KPNA1: variants seen among roughly 807,000 people sequenced by gnomAD.
The protein encoded by KPNA1 is importin subunit alpha-5.
In KPNA1, 10 loss-of-function variants were observed where a neutral mutation model predicts 70.5. The ratio of observed to expected loss-of-function variants is 0.14; its 90% CI spans 0.09 to 0.24. KPNA1 has a LOEUF of 0.24. KPNA1 is among the 10% of genes least tolerant of loss of function. The pLI is 1.00. For missense variants in KPNA1, 397 were observed against 637.9 expected (o/e 0.62, Z 4.07); for synonymous variants, 192 against 221.9 (o/e 0.87, Z 1.20).
At chr3:122,448,797 C>T (rs1172995112) in intron 9 of KPNA1, among the ~76,000 whole-genome samples, 3 of 151,240 alleles carry the variant, frequency 2.0e-5, no homozygotes, top group Non-Finnish European at 4.4e-5. Context: ...AGTCTAGTGA[C>T]TAAAGAATAC....
At chr3:122,506,645 T>C (rs1222708243) in intron 1 of KPNA1, among the ~76,000 whole-genome samples, 1 of 152,210 alleles carries the variant, frequency 6.6e-6, no homozygotes, top group Non-Finnish European at 1.5e-5. Flanking sequence ...ATATGATTCA[T>C]AGGTGTTCAT....
intron 12 of KPNA1, 27 bp from the exon 13 acceptor site, chr3:122,427,743 AC>A (rs1188354576): frequency 6.9e-7 from 1 of 1,456,540 alleles, no homozygotes; most frequent in Admixed American, 2.2e-5. Flanking sequence ...ATGTAGTCAA[AC>A]AAAACTTTTA....
chr3:122,506,506 C>A (rs764296367), intron 1 of KPNA1, among the ~76,000 whole-genome samples: 153 of 151,894 alleles, frequency 1.0e-3, no homozygotes, highest in Non-Finnish European at 2.0e-3. Context: ...AATATCCTAC[C>A]CATTCTTTTC....
At chr3:122,508,541 T>C (rs888623772) in intron 1 of KPNA1, among the ~76,000 whole-genome samples, 2 of 152,206 alleles carry the variant, frequency 1.3e-5, no homozygotes, top group African/African-American at 2.4e-5. Context: ...AGGTGCCTTA[T>C]TGATAACAGA....
intron 5 of KPNA1, chr3:122,460,273 GA>G (rs1005782747): frequency 1.1e-5 from 11 of 982,930 alleles, no homozygotes; most frequent in African/African-American, 7.0e-5. Context: ...TATCCAGGGG[GA>G]AAAAAAATAG....
chr3:122,435,273 T>G (rs936009352), intron 11 of KPNA1, among the ~76,000 whole-genome samples: 1 of 152,224 alleles, frequency 6.6e-6, no homozygotes, highest in African/African-American at 2.4e-5. Flanking sequence ...CAAGGCCCTC[T>G]ATGTCTGTGT....
rs1379036581 is a variant in KPNA1 at position 122,422,624 on chromosome 3, GAC to G, written c.*4359_*4360del. ...ACTGCGTGGCCACTGCTTTCTTCAAGACACAGAATTTGCAGGGCTCTTCCCCG... is the reference window on the plus strand; with the variant it reads ...ACTGCGTGGCCACTGCTTTCTTCAAGACAGAATTTGCAGGGCTCTTCCCCG... On this transcript the variant is annotated 3_prime_UTR_variant, in exon 14 of 14. Coordinates refer to ENST00000344337, the MANE Select transcript of KPNA1 (RefSeq NM_002264.4). 1 of 152,210 alleles carries G rather than the reference GAC, an allele frequency of 6.6e-6. No homozygotes were observed. Among genetic ancestry groups the G allele is most frequent in the African/African-American group, 2.4e-5 (1 of 41,452 alleles). The allele number at this position is 152,210 out of a possible 1,614,324, so 9.4% of individuals were successfully genotyped here. A position where few individuals can be genotyped will look rare whatever the true frequency, so the allele number is the denominator to read the frequency against.
intron 1 of KPNA1, among the ~76,000 whole-genome samples, chr3:122,503,693 A>T (rs1335480872): frequency 6.6e-6 from 1 of 152,146 alleles, no homozygotes; most frequent in African/African-American, 2.4e-5. Flanking sequence ...AATGGTCATT[A>T]TTTTTTCTCT....
chr3:122,451,881 C>A, intron 7 of KPNA1, 95 bp downstream of exon 7: 2 of 846,790 alleles, frequency 2.4e-6, no homozygotes, highest in Non-Finnish European at 1.9e-6. Context: ...CTAGAAAATC[C>A]AAAATGATTT....
intron 2 of KPNA1, among the ~76,000 whole-genome samples, chr3:122,488,636 T>C (rs2076657527): frequency 6.6e-6 from 1 of 152,244 alleles, no homozygotes; most frequent in Admixed American, 6.5e-5. Flanking sequence ...ATTTTACTTC[T>C]GTCTCAGTGC....
At chr3:122,437,092 G>T (rs2075999671) in intron 11 of KPNA1, 78 bp downstream of exon 11, 2 of 1,484,184 alleles carry the variant, frequency 1.3e-6, no homozygotes, top group Non-Finnish European at 9.2e-7. Flanking sequence ...AAACAAATGT[G>T]TTTTAAAGGG....
At position 122,506,023 on chromosome 3, in the gene KPNA1, G is replaced by A. The variant is rs182792604; in HGVS notation, c.-6+8734C>T. Among the ~76,000 whole-genome samples, 7 of 152,114 alleles carry A rather than the reference G, an allele frequency of 4.6e-5. No homozygotes were observed. The South Asian group carries it at 8.3e-4, about 18-fold the overall frequency. On this transcript the variant is annotated intron_variant, in intron 1 of 13. Coordinates refer to ENST00000344337, the MANE Select transcript of KPNA1 (RefSeq NM_002264.4). ...TCTTAGAACAAGTCTAAACTTCTTG[G>A]TCCTGCAAGATCCTTTTGTCTGGAT...
intron 2 of KPNA1, among the ~76,000 whole-genome samples, chr3:122,493,638 C>T (rs1003929372): frequency 6.6e-6 from 1 of 152,182 alleles, no homozygotes; most frequent in African/African-American, 2.4e-5. Flanking sequence ...CAACATTTGA[C>T]TTACAGGATA....
In KPNA1 at chr3:122,427,174, TA is replaced by T. The variant is rs1448818422; in HGVS notation, c.1430-3del. On this transcript the variant is annotated splice_region_variant and splice_polypyrimidine_tract_variant and intron_variant, in intron 13 of 13. Transcript: ENST00000344337. ...GTAAGAACTCAATTTTATCCAGACC[TA>T]AAATGAAGAATAAAGGAAAATCTTT... is the stretch of plus-strand genomic sequence containing the variant. The T allele has an allele frequency of 3.1e-6, 5 of 1,604,976 alleles. No homozygotes were observed. Among genetic ancestry groups the T allele is most frequent in the Non-Finnish European group, 4.3e-6 (5 of 1,174,350 alleles).
chr3:122,451,044 C>T (rs1385947644), intron 8 of KPNA1, among the ~76,000 whole-genome samples: 1 of 152,060 alleles, frequency 6.6e-6, no homozygotes, highest in Non-Finnish European at 1.5e-5. Flanking sequence ...CTGGGTACAG[C>T]GTACACTGCT....
At chr3:122,429,396 G>A (rs2075867401) in intron 12 of KPNA1, among the ~76,000 whole-genome samples, 1 of 134,498 alleles carries the variant, frequency 7.4e-6, no homozygotes, top group Non-Finnish European at 1.5e-5. Context: ...TGCAGGAGCC[G>A]AGACCGTGCC....
At chr3:122,470,893 T>C (rs1265082725) in intron 2 of KPNA1, among the ~76,000 whole-genome samples, 5 of 151,850 alleles carry the variant, frequency 3.3e-5, no homozygotes, top group African/African-American at 4.8e-5. Flanking sequence ...ATGGTAAATA[T>C]CAATCCAACT....
At chr3:122,466,139 C>T (rs1041368022) in intron 3 of KPNA1, among the ~76,000 whole-genome samples, 8 of 152,048 alleles carry the variant, frequency 5.3e-5, no homozygotes, top group Non-Finnish European at 1.2e-4. Context: ...GGAAATAATA[C>T]TACCCTCCCA....
At chr3:122,496,360 C>A (rs1055853614) in intron 2 of KPNA1, 77 bp downstream of exon 2, 214 of 1,103,698 alleles carry the variant, frequency 1.9e-4, no homozygotes, top group Non-Finnish European at 2.6e-4. Context: ...CCCAACTTTG[C>A]TAAAATGAAG....
Sources: allele counts gnomAD v4.1 joint callset (sites outside exome capture counted in the v4.1 genomes callset), GRCh38; gene constraint gnomAD v4.1.1; transcripts MANE v1.5; gene names NCBI Gene and HGNC (gene_info 2026-07-23, HGNC 2026-07-21).